The following CNBD1 variants were observed in gnomAD, a reference collection of about 807,000 sequenced individuals.
CNBD1 encodes cyclic nucleotide binding domain containing 1.
Under a neutral mutation model 54.4 loss-of-function variants are expected in CNBD1, and 71 were observed. That is an observed-to-expected ratio of 1.30 (90% confidence interval 1.08 to 1.59). The LOEUF (loss-of-function observed/expected upper bound fraction) is 1.59, where lower values mean the gene tolerates loss of function less well. CNBD1 is among the 40% of genes most tolerant of loss of function. CNBD1 has a pLI of 0.00. For missense variants in CNBD1, 659 were observed against 518.0 expected, an observed-to-expected ratio of 1.27 and a Z score of -2.64; for synonymous variants, 182 against 170.7, an observed-to-expected ratio of 1.07 and a Z score of -0.51.
In CNBD1 at chr8:87,369,260, C is replaced by A. The variant is rs76627661; in HGVS notation, c.1304-13360C>A. Among the ~76,000 whole-genome samples, 456 of 152,038 alleles carry A rather than the reference C, an allele frequency of 3.0e-3. 5 individuals carry two copies. The highest frequency in any genetic ancestry group is 9.9e-3 in the African/African-American group (409 of 41,474). ...TGATATAGCTAAGAAGCCCTGAACT[C>A]AAGTGTAAGATTTGGTTTCCTAGGT... is the stretch of plus-strand genomic sequence containing the variant. On this transcript the variant is annotated intron_variant, in intron 10 of 10. Transcript: ENST00000518476.
chr8:87,315,209 A>T (rs756897481), intron 8 of CNBD1, among the ~76,000 whole-genome samples: 2 of 152,074 alleles, frequency 1.3e-5, no homozygotes, highest in Non-Finnish European at 2.9e-5. Context: ...ATTTTGTTTT[A>T]GACAAATAGT....
At chr8:87,268,913 G>A (rs1190093464) in intron 6 of CNBD1, among the ~76,000 whole-genome samples, 1 of 152,014 alleles carries the variant, frequency 6.6e-6, no homozygotes, top group Non-Finnish European at 1.5e-5. Flanking sequence ...TTGTGTAGAA[G>A]CTCTTTAGCT....
chr8:87,245,681 T>C (rs1175365314), intron 6 of CNBD1, among the ~76,000 whole-genome samples: 1 of 152,064 alleles, frequency 6.6e-6, no homozygotes, highest in Non-Finnish European at 1.5e-5. Flanking sequence ...TTTGCATGCC[T>C]TCTGTGAAGC....
At chr8:86,987,100 G>A (rs1808626072) in intron 4 of CNBD1, among the ~76,000 whole-genome samples, 1 of 152,106 alleles carries the variant, frequency 6.6e-6, no homozygotes. Context: ...ATTATTTTGG[G>A]TAGTGTGGCC....
intron 4 of CNBD1, among the ~76,000 whole-genome samples, chr8:87,177,919 G>A (rs1813232080): frequency 1.3e-5 from 2 of 152,186 alleles, no homozygotes; most frequent in South Asian, 4.1e-4. Context: ...TGGCATGAGT[G>A]TGGGTAGTTG....
intron 4 of CNBD1, among the ~76,000 whole-genome samples, chr8:87,120,231 T>A (rs1046505551): frequency 6.6e-6 from 1 of 152,064 alleles, no homozygotes; most frequent in African/African-American, 2.4e-5. Flanking sequence ...GAGAGACTGT[T>A]ACTGATTCAA....
intron 4 of CNBD1, among the ~76,000 whole-genome samples, chr8:86,943,315 C>T (rs934614576): frequency 5.3e-5 from 7 of 132,408 alleles, no homozygotes; most frequent in Admixed American, 1.8e-4. Context: ...GGAGGCGAGC[C>T]GAGATTGGGC....
chr8:87,222,296 C>T (rs1814357355), intron 5 of CNBD1, among the ~76,000 whole-genome samples: 1 of 151,766 alleles, frequency 6.6e-6, no homozygotes, highest in African/African-American at 2.4e-5. Flanking sequence ...ATTAAGCTTT[C>T]ATTTATTCGA....
rs188837061 is a variant in CNBD1 at position 87,188,458 on chromosome 8, G to A, written c.432-17535G>A. Among the ~76,000 whole-genome samples, 23 of 152,220 alleles carry A rather than the reference G, an allele frequency of 1.5e-4. No individual in the cohort carries two copies. The East Asian group carries it at 3.7e-3, about 24-fold the overall frequency. ...TAAATAAATGAAGGAGGCTCGGTGC[G>A]GTGGTTCACACCAGCAATCCCAGCA... On this transcript the variant is annotated intron_variant, in intron 4 of 10. Coordinates refer to ENST00000518476, the MANE Select transcript of CNBD1 (RefSeq NM_173538.3).
At chr8:87,353,255 A>G (rs1810344279) in intron 9 of CNBD1, among the ~76,000 whole-genome samples, 1 of 152,140 alleles carries the variant, frequency 6.6e-6, no homozygotes, top group South Asian at 2.1e-4. Flanking sequence ...CTGTGGGTTC[A>G]ACAAGAGTGC....
chr8:87,060,359 A>G (rs1253288864), intron 4 of CNBD1, among the ~76,000 whole-genome samples: 1 of 152,254 alleles, frequency 6.6e-6, no homozygotes, highest in Non-Finnish European at 1.5e-5. Context: ...AAAGTCCTAT[A>G]TTACAGCAAC....
intron 10 of CNBD1, among the ~76,000 whole-genome samples, chr8:87,362,606 G>A (rs1288693862): frequency 6.6e-6 from 1 of 151,926 alleles, no homozygotes; most frequent in Non-Finnish European, 1.5e-5. Context: ...ACCAAAGATG[G>A]CCATTAAGAG....
At chr8:87,305,568 A>T (rs1052150301) in intron 8 of CNBD1, among the ~76,000 whole-genome samples, 2 of 152,192 alleles carry the variant, frequency 1.3e-5, no homozygotes, top group South Asian at 4.1e-4. Flanking sequence ...ACATAGACCC[A>T]TGGAACAGAA....
Position 87,237,034 on chromosome 8 carries a change from T to C in CNBD1, c.693T>C (p.Ser231=). Residue 231 remains serine, a synonymous_variant, in exon 6 of 11, where the codon AGT becomes AGC. Coordinates refer to ENST00000518476, the MANE Select transcript of CNBD1 (RefSeq NM_173538.3). ...CACCAGACTCGTTCATATCTCAGAG[T>C]TTCCACAGCTTCATTTGGAGTGAAG... ...SDSPDSFISQ[S]FHSFIWSEEF... 2 of 1,611,844 alleles carry C rather than the reference T, an allele frequency of 1.2e-6. No individual in the cohort carries two copies. The highest frequency in any genetic ancestry group is 3.3e-4 in the Middle Eastern group (2 of 6,048).
chr8:87,415,399 G>T (rs1807818635), intron 2 of CNBD1, among the ~76,000 whole-genome samples: 1 of 152,008 alleles, frequency 6.6e-6, no homozygotes, highest in Admixed American at 6.6e-5. Context: ...TATTTCTGAA[G>T]ATTGTCATAT....
chr8:86,929,535 A>G (rs1487720847), intron 3 of CNBD1, among the ~76,000 whole-genome samples: 1 of 152,198 alleles, frequency 6.6e-6, no homozygotes, highest in African/African-American at 2.4e-5. Context: ...AGGGACTTCT[A>G]AGAGATTCTC....
At chr8:87,306,500 A>G (rs1042185618) in intron 8 of CNBD1, among the ~76,000 whole-genome samples, 1 of 152,220 alleles carries the variant, frequency 6.6e-6, no homozygotes, top group Non-Finnish European at 1.5e-5. Context: ...ACCAATCCAA[A>G]TGCCCATCAA....
At chr8:87,361,502 T>C (rs1304468562) in intron 10 of CNBD1, among the ~76,000 whole-genome samples, 1 of 151,864 alleles carries the variant, frequency 6.6e-6, no homozygotes, top group Non-Finnish European at 1.5e-5. Context: ...AATTTCACTA[T>C]AAATTACATT....
intron 1 of CNBD1, among the ~76,000 whole-genome samples, chr8:86,878,343 AG>A (rs1808556103): frequency 6.6e-6 from 1 of 152,178 alleles, no homozygotes; most frequent in African/African-American, 2.4e-5. Context: ...AGAGTGCACT[AG>A]TTCAGCAGAC....
Sources: allele counts gnomAD v4.1 joint callset (sites outside exome capture counted in the v4.1 genomes callset), GRCh38; gene constraint gnomAD v4.1.1; transcripts MANE v1.5; gene names NCBI Gene and HGNC (gene_info 2026-07-23, HGNC 2026-07-21).